STK24: variants seen among roughly 807,000 people sequenced by gnomAD.
STK24 encodes the protein serine/threonine-protein kinase 24.
Under a neutral mutation model 55.6 loss-of-function variants are expected in STK24, and 21 were observed. The ratio of observed to expected loss-of-function variants is 0.38; its 90% CI spans 0.27 to 0.54. The LOEUF (loss-of-function observed/expected upper bound fraction) is 0.54. Among genes scored for constraint, STK24 ranks in the 20% least tolerant of loss-of-function variants. The pLI, the probability that STK24 is intolerant of heterozygous loss-of-function variation, is 0.79. For synonymous variants in STK24, 200 were observed against 215.2 expected (o/e 0.93, Z 0.62); for missense variants, 383 against 538.4 (o/e 0.71, Z 2.86).
intron 2 of STK24, among the ~76,000 whole-genome samples, chr13:98,497,902 A>C (rs538240771): frequency 1.3e-5 from 2 of 152,334 alleles, no homozygotes; most frequent in African/African-American, 4.8e-5. Flanking sequence ...TTCACCAAGA[A>C]AGACCAAGTG....
intron 1 of STK24, among the ~76,000 whole-genome samples, chr13:98,572,297 G>C (rs781276007): frequency 2.0e-5 from 3 of 152,178 alleles, no homozygotes; most frequent in Admixed American, 1.3e-4. Flanking sequence ...CCACAGTTCA[G>C]CAAGTCCCCA....
Position 98,448,316 on chromosome 13 carries a change from G to A in STK24, c.*4857C>T. 6.2e-7 allele frequency: 1 copy of A among 1,611,554 alleles called. No individual in the cohort carries two copies. Among genetic ancestry groups the A allele is most frequent in the Non-Finnish European group, 8.5e-7 (1 of 1,177,616 alleles). On this transcript the variant is annotated 3_prime_UTR_variant, in exon 11 of 11. Coordinates refer to ENST00000539966, the MANE Select transcript of STK24 (RefSeq NM_001032296.4). ...AGTCACAAAGAGTCTCTTGTGTATT[G>A]ATGGCCGGACACACTCGTTTCCGCA... is the stretch of plus-strand genomic sequence containing the variant.
chr13:98,522,741 C>T (rs1231898136), intron 1 of STK24, among the ~76,000 whole-genome samples: 1 of 152,192 alleles, frequency 6.6e-6, no homozygotes, highest in Non-Finnish European at 1.5e-5. Context: ...CCTCTACACC[C>T]CTGTGCCCAG....
intron 1 of STK24, among the ~76,000 whole-genome samples, chr13:98,556,584 A>C (rs376739520): frequency 3.9e-5 from 6 of 152,340 alleles, no homozygotes; most frequent in African/African-American, 1.2e-4. Flanking sequence ...GTGAGTAACA[A>C]CACCAGCCAG....
At chr13:98,474,729 T>G (rs1894297932) in intron 5 of STK24, 92 bp downstream of exon 5, 1 of 1,488,498 alleles carries the variant, frequency 6.7e-7, no homozygotes, top group Non-Finnish European at 9.0e-7. Flanking sequence ...ACCAGCTTCG[T>G]TCCAACTTAG....
intron 1 of STK24, among the ~76,000 whole-genome samples, chr13:98,561,881 G>A (rs1259547180): frequency 1.3e-5 from 2 of 150,906 alleles, no homozygotes; most frequent in African/African-American, 4.9e-5. Context: ...AGAGGCTGAG[G>A]CATGGGAATC....
Position 98,466,365 on chromosome 13 carries a change from G to C in STK24, c.783+11C>G. The C allele has an allele frequency of 6.2e-7, 1 of 1,611,570 alleles. No homozygotes were observed. The highest frequency in any genetic ancestry group is 1.3e-5 in the African/African-American group (1 of 74,916). The stretch of plus-strand genomic sequence containing the variant: ...CATGAAGAGGTACGCTGTGATCCCT[G>C]GGAAACTTACAAAGCTCGGCTCCTT... On this transcript the variant is annotated intron_variant, in intron 6 of 10. Coordinates refer to ENST00000539966, the MANE Select transcript of STK24 (RefSeq NM_001032296.4).
rs887658174 is a variant in STK24 at position 98,446,539 on chromosome 13, T to C, written c.*6634A>G. 7.2e-6 allele frequency: 7 copies of C among 973,948 alleles called. No homozygotes were observed. The African/African-American group carries it at 7.9e-5, about 11-fold the overall frequency. 60.3% of individuals were successfully genotyped at this position (973,948 alleles called of 1,614,324 possible). A position where few individuals can be genotyped will look rare whatever the true frequency, so the allele number is the denominator to read the frequency against. On this transcript the variant is annotated 3_prime_UTR_variant, in exon 11 of 11. Coordinates refer to ENST00000539966, the MANE Select transcript of STK24 (RefSeq NM_001032296.4). Reference sequence around the variant, plus strand: ...GGCAAACACTGGCTGCCATGGTCCCTTCCAGGCCCACGCCCGAGGAGGGAG... The same window carrying C: ...GGCAAACACTGGCTGCCATGGTCCCCTCCAGGCCCACGCCCGAGGAGGGAG...
Position 98,492,915 on chromosome 13 carries a change from C to T in STK24, c.274-10594G>A, listed in dbSNP as rs528616089. On this transcript the variant is annotated intron_variant, in intron 2 of 10. Transcript: ENST00000539966. ...GCATCAGATGCCTAAATAAGAACCA[C>T]AAGAAAAAAAAATTCACAGACTATT... is the stretch of plus-strand genomic sequence containing the variant. 2.0e-5 allele frequency among the ~76,000 whole-genome samples: 3 copies of T among 151,670 alleles called. No individual in the cohort carries two copies. The East Asian group carries it at 5.8e-4, about 29-fold the overall frequency.
chr13:98,469,561 G>A (rs535570736), intron 5 of STK24, among the ~76,000 whole-genome samples: 52 of 151,874 alleles, frequency 3.4e-4, no homozygotes, highest in Admixed American at 2.8e-3. Flanking sequence ...AAAAGGCGGC[G>A]GGGGGAGGAC....
intron 2 of STK24, among the ~76,000 whole-genome samples, chr13:98,503,291 T>G (rs1179814614): frequency 1.3e-5 from 2 of 152,148 alleles, no homozygotes; most frequent in Non-Finnish European, 2.9e-5. Flanking sequence ...TGCCTGCCGC[T>G]CAGTCACCAG....
At position 98,447,946 on chromosome 13, in the gene STK24, T is replaced by C. The variant is rs1892957498; in HGVS notation, c.*5227A>G. 2.2e-6 allele frequency: 1 copy of C among 455,418 alleles called. No homozygotes were observed. The highest frequency in any genetic ancestry group is 3.0e-5 in the South Asian group (1 of 33,250). The allele number at this position is 455,418 out of a possible 1,614,324, so 28.2% of individuals were successfully genotyped here. A position where few individuals can be genotyped will look rare whatever the true frequency, so the allele number is the denominator to read the frequency against. ...ATGTCCATGAAAATAGGAGGTAGCG[T>C]TCTCCCCAGCAACCAGAGGCCACCT... On this transcript the variant is annotated 3_prime_UTR_variant, in exon 11 of 11. Coordinates refer to ENST00000539966, the MANE Select transcript of STK24 (RefSeq NM_001032296.4).
Position 98,456,430 on chromosome 13 carries a change from G to A in STK24, c.1259+738C>T, listed in dbSNP as rs190639654. The stretch of plus-strand genomic sequence containing the variant: ...CAGCACGCCTGGTCCTCCTGGGGGT[G>A]TGGAGGACAGCCCAGTGACAAATCA... On this transcript the variant is annotated intron_variant, in intron 10 of 10. Transcript: ENST00000539966. 39 of 479,670 alleles carry A rather than the reference G, an allele frequency of 8.1e-5. No homozygotes were observed. In the East Asian group the frequency reaches 1.9e-3, roughly 23 times the overall value. 29.7% of individuals were successfully genotyped at this position (479,670 alleles called of 1,614,324 possible).
At chr13:98,466,958 A>T (rs1207074686) in intron 5 of STK24, among the ~76,000 whole-genome samples, 1 of 152,184 alleles carries the variant, frequency 6.6e-6, no homozygotes, top group Non-Finnish European at 1.5e-5. Context: ...TCTGAGGTCG[A>T]GAGTGGGCAC....
At chr13:98,568,980 C>G (rs1897663431) in intron 1 of STK24, among the ~76,000 whole-genome samples, 1 of 151,876 alleles carries the variant, frequency 6.6e-6, no homozygotes, top group Admixed American at 6.6e-5. Flanking sequence ...GGAGGGGAAT[C>G]AAAGAAAAAA....
chr13:98,507,940 T>C (rs1342154077), intron 2 of STK24, among the ~76,000 whole-genome samples: 1 of 152,144 alleles, frequency 6.6e-6, no homozygotes, highest in African/African-American at 2.4e-5. Context: ...GCTCAAGTGG[T>C]GTTATCCCAT....
chr13:98,513,314 AC>A (rs1271503497), intron 2 of STK24, among the ~76,000 whole-genome samples: 1 of 152,026 alleles, frequency 6.6e-6, no homozygotes. Context: ...CATTACTTAA[AC>A]CTATTTTCTG....
At chr13:98,496,430 A>G (rs1895254545) in intron 2 of STK24, among the ~76,000 whole-genome samples, 1 of 152,196 alleles carries the variant, frequency 6.6e-6, no homozygotes, top group Non-Finnish European at 1.5e-5. Context: ...CTACTGAGCA[A>G]AGAAACAGAA....
At chr13:98,571,302 GCT>G (rs1897732498) in intron 1 of STK24, among the ~76,000 whole-genome samples, 1 of 152,140 alleles carries the variant, frequency 6.6e-6, no homozygotes, top group African/African-American at 2.4e-5. Context: ...AGGCAGCTCA[GCT>G]CTACGCATCA....
Sources: allele counts gnomAD v4.1 joint callset (sites outside exome capture counted in the v4.1 genomes callset), GRCh38; gene constraint gnomAD v4.1.1; transcripts MANE v1.5; gene names NCBI Gene and HGNC (gene_info 2026-07-23, HGNC 2026-07-21).